TAOK3: variants seen among roughly 807,000 people sequenced by gnomAD.
TAOK3 encodes TAO kinase 3, also known as serine/threonine-protein kinase TAO3.
In TAOK3, 40 loss-of-function variants were observed where a neutral mutation model predicts 120.4. The observed-to-expected ratio is 0.33, with a 90% CI of 0.26 to 0.43. The LOEUF is 0.43. Among genes scored for constraint, TAOK3 ranks in the 20% least tolerant of loss-of-function variants. The pLI, the probability that TAOK3 is intolerant of heterozygous loss-of-function variation, is 1.00. For synonymous variants in TAOK3, 355 were observed against 387.5 expected (o/e 0.92, Z 0.99); for missense variants, 821 against 1,112.1 (o/e 0.74, Z 3.72).
intron 17 of TAOK3, among the ~76,000 whole-genome samples, chr12:118,169,000 CCTTT>C (rs1235486603): frequency 3.8e-3 from 203 of 54,088 alleles, no homozygotes; most frequent in Middle Eastern, 0.033. Context: ...TTCCTTCCTT[CCTTT>C]CTTTCTTTCT....
intron 8 of TAOK3, 39 bp from the exon 9 acceptor site, chr12:118,233,804 A>G (rs2039891583): frequency 7.0e-7 from 1 of 1,437,282 alleles, no homozygotes; most frequent in African/African-American, 1.4e-5. Flanking sequence ...TTGGAGATTA[A>G]AAACAAAATT....
intron 1 of TAOK3, among the ~76,000 whole-genome samples, chr12:118,271,428 GAATCATAC>G (rs1271993323): frequency 6.6e-6 from 1 of 152,014 alleles, no homozygotes; most frequent in East Asian, 1.9e-4. Context: ...CATATAAACG[GAATCATAC>G]AATATGTGGT....
chr12:118,214,165 G>A, intron 9 of TAOK3, 55 bp from the exon 10 acceptor site: 2 of 1,383,886 alleles, frequency 1.4e-6, no homozygotes, highest in Non-Finnish European at 2.0e-6. Flanking sequence ...CAGGCAGACA[G>A]AGAAATAAGA....
chr12:118,152,836 A>G (rs2034548438), intron 19 of TAOK3: 1 of 157,746 alleles, frequency 6.3e-6, no homozygotes, highest in African/African-American at 2.4e-5. Flanking sequence ...TAAATGAAAG[A>G]ATTAATATAA....
chr12:118,336,292 C>T (rs2044363630), intron 1 of TAOK3, among the ~76,000 whole-genome samples: 1 of 152,042 alleles, frequency 6.6e-6, no homozygotes, highest in African/African-American at 2.4e-5. Flanking sequence ...TAGACATACA[C>T]GGATATGTCC....
At chr12:118,327,651 AC>A (rs2140997234) in intron 1 of TAOK3, among the ~76,000 whole-genome samples, 1 of 152,292 alleles carries the variant, frequency 6.6e-6, no homozygotes, top group African/African-American at 2.4e-5. Context: ...CAGAAGAAGA[AC>A]TTCTATAAAA....
chr12:118,257,093 C>T (rs2041021227), intron 2 of TAOK3, among the ~76,000 whole-genome samples: 2 of 152,066 alleles, frequency 1.3e-5, no homozygotes, highest in African/African-American at 2.4e-5. Flanking sequence ...TTTATAGAAC[C>T]AACTAAGACT....
At chr12:118,156,443 C>G (rs1201639319) in intron 19 of TAOK3, among the ~76,000 whole-genome samples, 1 of 152,030 alleles carries the variant, frequency 6.6e-6, no homozygotes, top group Non-Finnish European at 1.5e-5. Context: ...GGGCTTTGTC[C>G]TGGGCCCTCT....
chr12:118,240,623 C>T (rs2040210304), intron 5 of TAOK3, among the ~76,000 whole-genome samples: 1 of 152,116 alleles, frequency 6.6e-6, no homozygotes, highest in Admixed American at 6.6e-5. Flanking sequence ...GGATTACAGG[C>T]ATAAGCCACT....
chr12:118,201,606 G>T, intron 11 of TAOK3, 143 bp from the exon 12 acceptor site: 2 of 731,198 alleles, frequency 2.7e-6, no homozygotes, highest in Non-Finnish European at 4.0e-6. Context: ...CATGTCATGT[G>T]TCCTTCCATA....
At chr12:118,245,934 T>A (rs1037343095) in intron 3 of TAOK3, 1 of 539,398 alleles carries the variant, frequency 1.9e-6, no homozygotes, top group East Asian at 3.2e-5. Context: ...TGAGGTAATC[T>A]ATGTGCAATG....
At position 118,293,982 on chromosome 12, in the gene TAOK3, T is replaced by C. The variant is rs1450641490; in HGVS notation, c.-193-27223A>G. Among the ~76,000 whole-genome samples, 10 of 150,698 alleles carry C rather than the reference T, an allele frequency of 6.6e-5. No individual in the cohort carries two copies. In the Admixed American group the frequency reaches 6.6e-4, roughly 10 times the overall value. The stretch of plus-strand genomic sequence containing the variant: ...GTGAGCCGAGATCATGCCATTGCAC[T>C]CCAGCCTAGGCAACAAGAGGGAAAC... On this transcript the variant is annotated intron_variant, in intron 1 of 20. Coordinates refer to ENST00000392533, the MANE Select transcript of TAOK3 (RefSeq NM_016281.4).
chr12:118,183,888 T>A (rs1325965246), intron 14 of TAOK3, among the ~76,000 whole-genome samples: 3 of 152,362 alleles, frequency 2.0e-5, no homozygotes, highest in African/African-American at 7.2e-5. Context: ...AAGCATTGGC[T>A]TACAGCCAAT....
chr12:118,227,213 T>A (rs1460782637), intron 9 of TAOK3, among the ~76,000 whole-genome samples: 3 of 149,544 alleles, frequency 2.0e-5, no homozygotes, highest in African/African-American at 7.3e-5. Flanking sequence ...ATAAGGAAAA[T>A]TTTGGTTTAT....
intron 13 of TAOK3, 57 bp from the exon 14 acceptor site, chr12:118,189,998 T>A: frequency 6.2e-7 from 1 of 1,601,162 alleles, no homozygotes; most frequent in South Asian, 1.1e-5. Context: ...CCTCGCCGGC[T>A]GCCTCTCTCT....
At chr12:118,232,924 A>G (rs2039846295) in intron 9 of TAOK3, among the ~76,000 whole-genome samples, 1 of 152,026 alleles carries the variant, frequency 6.6e-6, no homozygotes, top group Admixed American at 6.6e-5. Flanking sequence ...AAATAAATAA[A>G]TCATGCTGCT....
chr12:118,245,545 T>A lies in TAOK3; in HGVS notation c.121-580A>T, dbSNP rs368568812. The stretch of plus-strand genomic sequence containing the variant: ...TTTGGCCAGGCTGGTCTCAAACTCC[T>A]GACCTCACGTGATCTGCCCGCCTCA... On this transcript the variant is annotated intron_variant, in intron 3 of 20. Transcript: ENST00000392533. 4.9e-4 allele frequency among the ~76,000 whole-genome samples: 74 copies of A among 152,138 alleles called. No individual in the cohort carries two copies. The South Asian group carries it at 0.014, about 29-fold the overall frequency.
chr12:118,362,039 A>T (rs1393180193), intron 1 of TAOK3, among the ~76,000 whole-genome samples: 1 of 152,162 alleles, frequency 6.6e-6, no homozygotes, highest in Non-Finnish European at 1.5e-5. Context: ...CCTTATTTTT[A>T]AAATAACGAA....
At chr12:118,305,631 G>T (rs930367255) in intron 1 of TAOK3, among the ~76,000 whole-genome samples, 1 of 152,072 alleles carries the variant, frequency 6.6e-6, no homozygotes, top group Non-Finnish European at 1.5e-5. Context: ...GCGGCTGGGC[G>T]TGGTGGCTCA....
Sources: allele counts gnomAD v4.1 joint callset (sites outside exome capture counted in the v4.1 genomes callset), GRCh38; gene constraint gnomAD v4.1.1; transcripts MANE v1.5; gene names NCBI Gene and HGNC (gene_info 2026-07-23, HGNC 2026-07-21).